SASH1: variants seen among roughly 807,000 people sequenced by gnomAD.
The protein encoded by SASH1 is SAM and SH3 domain-containing protein 1.
Under a neutral mutation model 125.2 loss-of-function variants are expected in SASH1, and 44 were observed. The observed-to-expected ratio is 0.35, with a 90% confidence interval of 0.28 to 0.45. The LOEUF is 0.45. SASH1 is among the 20% of genes least tolerant of loss of function. The pLI is 1.00. For synonymous variants in SASH1, 639 were observed against 649.1 expected, an observed-to-expected ratio of 0.98 and a Z score of 0.24; for missense variants, 1,426 against 1,614.5, an observed-to-expected ratio of 0.88 and a Z score of 2.00.
intron 1 of SASH1, among the ~76,000 whole-genome samples, chr6:148,298,303 G>A (rs1056530846): frequency 2.0e-5 from 3 of 152,190 alleles, no homozygotes; most frequent in Middle Eastern, 6.8e-3. Context: ...ATGAGCCGCC[G>A]TGCCCGGCCT....
Position 148,390,747 on chromosome 6 carries a change from C to T in SASH1, c.285+485C>T, listed in dbSNP as rs1004783283. Among the ~76,000 whole-genome samples, 199 of 150,488 alleles carry T rather than the reference C, an allele frequency of 1.3e-3. 3 individuals are homozygous for T. The highest frequency in any genetic ancestry group is 6.3e-4 in the Non-Finnish European group (43 of 67,752). On this transcript the variant is annotated intron_variant, in intron 2 of 19. Coordinates refer to ENST00000367467, the MANE Select transcript of SASH1 (RefSeq NM_015278.5). ...AGCTTGCAGTGAGCCAAGATCACGC[C>T]ACTGCACTCCAGCCTGGGCGACAGA...
chr6:148,252,429 C>A, the SASH1 span, among the ~76,000 whole-genome samples: 1 of 151,854 alleles, frequency 6.6e-6, no homozygotes, highest in African/African-American at 2.4e-5. Flanking sequence ...TATACTGACA[C>A]CATCAAAGCT....
chr6:148,498,248 C>CA (rs1423268668), intron 8 of SASH1, among the ~76,000 whole-genome samples: 3 of 138,058 alleles, frequency 2.2e-5, no homozygotes, highest in Admixed American at 7.2e-5. Context: ...AAAAAAAAAA[C>CA]AAAAAAAACA....
At chr6:148,504,661 T>C (rs1165588535) in intron 8 of SASH1, among the ~76,000 whole-genome samples, 1 of 152,146 alleles carries the variant, frequency 6.6e-6, no homozygotes, top group Admixed American at 6.5e-5. Flanking sequence ...GCCACAGGGC[T>C]GGGGAGTCTC....
chr6:148,546,080 G>A lies in SASH1; in HGVS notation c.3414G>A (p.Glu1138=), dbSNP rs923397811. The change falls in exon 19 of 20, where the codon GAG becomes GAA. Residue 1138 remains glutamate, a synonymous_variant. Coordinates refer to ENST00000367467, the MANE Select transcript of SASH1 (RefSeq NM_015278.5). ...QRYAEDLDQP[E]RDVAANMDQI... is the part of the protein sequence containing the mutation. ...ACGCAGAGGACTTGGATCAGCCCGA[G>A]CGGGACGTCGCCGCCAACATGGACC... 2.8e-5 allele frequency: 46 copies of A among 1,614,250 alleles called. No individual in the cohort carries two copies. The highest frequency in any genetic ancestry group is 3.9e-5 in the Non-Finnish European group (46 of 1,180,050).
At chr6:148,527,697 C>A in intron 12 of SASH1, 101 bp downstream of exon 12, 1 of 1,167,058 alleles carries the variant, frequency 8.6e-7, no homozygotes. Context: ...ACACATACTC[C>A]TTGGCATTAA....
chr6:148,287,414 G>A (rs1451720985), intron 1 of SASH1, among the ~76,000 whole-genome samples: 1 of 152,062 alleles, frequency 6.6e-6, no homozygotes, highest in East Asian at 1.9e-4. Flanking sequence ...CCTTCAAGGT[G>A]TGTGTCACAT....
At chr6:148,320,633 G>T (rs563176167) in intron 1 of SASH1, among the ~76,000 whole-genome samples, 1 of 152,324 alleles carries the variant, frequency 6.6e-6, no homozygotes, top group South Asian at 2.1e-4. Context: ...CAGCCTACAA[G>T]GTGGAAAGTG....
chr6:148,393,893 T>C (rs1268924537), intron 2 of SASH1: 61 of 174,444 alleles, frequency 3.5e-4, no homozygotes, highest in African/African-American at 1.3e-3. Context: ...TCTCTCTTTT[T>C]TTTTTTTTTT....
At chr6:148,504,856 G>A (rs1158440273) in intron 8 of SASH1, among the ~76,000 whole-genome samples, 1 of 152,152 alleles carries the variant, frequency 6.6e-6, no homozygotes, top group East Asian at 1.9e-4. Context: ...GACTCCCTGA[G>A]AGGCGTGGCA....
At chr6:148,547,169 G>A (rs1016704014) in intron 19 of SASH1, among the ~76,000 whole-genome samples, 4 of 152,144 alleles carry the variant, frequency 2.6e-5, no homozygotes, top group East Asian at 1.9e-4. Context: ...TGCCACGTGC[G>A]AATGGCCAGC....
chr6:148,397,208 C>T (rs887663582), intron 2 of SASH1, among the ~76,000 whole-genome samples: 7 of 152,208 alleles, frequency 4.6e-5, no homozygotes, highest in South Asian at 2.1e-4. Flanking sequence ...TGTCCTGGCA[C>T]GGTGGCTCGT....
chr6:148,319,327 G>T (rs893673440), intron 1 of SASH1, among the ~76,000 whole-genome samples: 1 of 151,212 alleles, frequency 6.6e-6, no homozygotes, highest in Non-Finnish European at 1.5e-5. Context: ...GAGCCACCGC[G>T]CCCAGCCCCA....
the SASH1 span, among the ~76,000 whole-genome samples, chr6:148,245,516 G>T: frequency 1.3e-5 from 2 of 152,202 alleles, no homozygotes; most frequent in African/African-American, 4.8e-5. Flanking sequence ...CATAGTAAAT[G>T]CATTACTGGT....
At chr6:148,512,087 C>T (rs969972043) in intron 8 of SASH1, among the ~76,000 whole-genome samples, 2 of 151,880 alleles carry the variant, frequency 1.3e-5, no homozygotes, top group African/African-American at 2.4e-5. Context: ...GGCACGATCC[C>T]GGCTCCCTGC....
At chr6:148,321,842 A>G (rs1456118479) in intron 1 of SASH1, among the ~76,000 whole-genome samples, 1 of 152,212 alleles carries the variant, frequency 6.6e-6, no homozygotes, top group South Asian at 2.1e-4. Context: ...ATGATTGGGT[A>G]AGAAAAATGT....
At chr6:148,461,644 C>T (rs1187975014) in intron 4 of SASH1, among the ~76,000 whole-genome samples, 2 of 152,156 alleles carry the variant, frequency 1.3e-5, no homozygotes, top group Non-Finnish European at 2.9e-5. Context: ...ACAACTTGGG[C>T]TATCTGTGTC....
Position 148,421,126 on chromosome 6 carries a change from A to AAAGGAAGGAAGGAAGG in SASH1, c.286-19050_286-19035dup, listed in dbSNP as rs148595857. ...AGAAAAGAAAGGAAAAGAAAGGAAG[A>AAAGGAAGGAAGGAAGG]AAGGAAGGAAGGAAGGAAGGAAGAA... On this transcript the variant is annotated intron_variant, in intron 2 of 19. Transcript: ENST00000367467. 5.9e-3 allele frequency among the ~76,000 whole-genome samples: 487 copies of AAAGGAAGGAAGGAAGG among 82,302 alleles called. 22 individuals are homozygous for AAAGGAAGGAAGGAAGG. Among genetic ancestry groups the AAAGGAAGGAAGGAAGG allele is most frequent in the Middle Eastern group, 0.011 (2 of 184 alleles). 54.0% of individuals were successfully genotyped at this position (82,302 alleles called of 152,430 possible).
chr6:148,493,101 T>A (rs1779177346), intron 8 of SASH1, among the ~76,000 whole-genome samples: 1 of 152,192 alleles, frequency 6.6e-6, no homozygotes, highest in Non-Finnish European at 1.5e-5. Context: ...GATGATAGGC[T>A]AGTCAGCAAT....
Sources: gnomAD v4.1 joint callset for allele counts (sites outside exome capture counted in the v4.1 genomes callset) on GRCh38, gnomAD v4.1.1 for gene constraint, MANE v1.5 for transcripts, NCBI Gene and HGNC (gene_info 2026-07-23, HGNC 2026-07-21) for gene names.